MEF2C: variants seen among roughly 807,000 people sequenced by gnomAD.
The protein encoded by MEF2C is myocyte-specific enhancer factor 2C.
In MEF2C, 6 loss-of-function variants were observed where a neutral mutation model predicts 50.5. The ratio of observed to expected loss-of-function variants is 0.12; its 90% CI spans 0.07 to 0.23. The LOEUF is 0.23. Ranked by LOEUF, MEF2C falls within the 10% of genes least tolerant of loss-of-function variation. The pLI is 1.00. For missense variants in MEF2C, 276 were observed against 605.0 expected (o/e 0.46, Z 5.70); for synonymous variants, 183 against 228.0 (o/e 0.80, Z 1.78).
rs398123686 is a variant in MEF2C at position 88,751,861 on chromosome 5, G to A, written c.585C>T (p.Asn195=). 1.9e-5 allele frequency: 31 copies of A among 1,613,698 alleles called. No individual in the cohort carries two copies. In the Admixed American group the frequency reaches 3.7e-4, roughly 19 times the overall value. ...TACATCCTTATGAGGACATACCTGT[G>A]TTACCTGCACTTGGAGGTCGATGTG... The part of the protein sequence containing the change: ...GVTHRPPSAG[N]TGGLMGGDLT... The change falls in exon 5 of 11, where the codon AAC becomes AAT. Residue 195 remains asparagine, a synonymous_variant. Transcript: ENST00000504921.
chr5:88,751,744 G>T, intron 5 of MEF2C, 113 bp downstream of exon 5: 1 of 1,250,058 alleles, frequency 8.0e-7, no homozygotes. Flanking sequence ...GGTAAGCCAT[G>T]AAGGAGAGTA....
In MEF2C at chr5:88,759,451, C is replaced by T. The variant is rs570970078; in HGVS notation, c.402+1734G>A. ...GAGTGGAGATCGTGCCATTGCACTC[C>T]AGCCTGGGCAACAAGAGTGAAACTC... On this transcript the variant is annotated intron_variant, in intron 4 of 10. Coordinates refer to ENST00000504921, the MANE Select transcript of MEF2C (RefSeq NM_002397.5). 2.0e-5 allele frequency among the ~76,000 whole-genome samples: 3 copies of T among 152,096 alleles called. No homozygotes were observed. The South Asian group carries it at 6.2e-4, about 32-fold the overall frequency.
At chr5:88,748,932 TA>T in intron 6 of MEF2C, 137 bp downstream of exon 6, 2 of 1,514,630 alleles carry the variant, frequency 1.3e-6, no homozygotes, top group Non-Finnish European at 1.8e-6. Context: ...AAAAGTGCTT[TA>T]AAAATTCTTG....
rs1359040301 is a variant in MEF2C at position 88,750,928 on chromosome 5, A to G, written c.589+929T>C. On this transcript the variant is annotated intron_variant, in intron 5 of 10. Transcript: ENST00000504921. The stretch of plus-strand genomic sequence containing the variant: ...ATGTAGGATACATTAAAAATTTCCT[A>G]TAGAGTACTTTTAAAAATATGAAAT... 1.5e-5 allele frequency: 4 copies of G among 266,988 alleles called. No homozygotes were observed. In the East Asian group the frequency reaches 7.1e-4, roughly 47 times the overall value. 16.5% of individuals were successfully genotyped at this position (266,988 alleles called of 1,614,324 possible). A position where few individuals can be genotyped will look rare whatever the true frequency, so the allele number is the denominator to read the frequency against.
chr5:88,734,577 T>TTTTTTTG (rs1763240056), intron 6 of MEF2C: 14 of 921,928 alleles, frequency 1.5e-5, no homozygotes, highest in Non-Finnish European at 1.7e-5. Context: ...TTTTTTTTTT[T>TTTTTTTG]TTTTTTTTTT....
intron 2 of MEF2C, among the ~76,000 whole-genome samples, chr5:88,817,237 C>T (rs1805886264): frequency 6.6e-6 from 1 of 152,072 alleles, no homozygotes; most frequent in South Asian, 2.1e-4. Flanking sequence ...AAATTTAGAA[C>T]TGTAATTAAC....
At chr5:88,868,456 T>C (rs1431699302) in intron 1 of MEF2C, among the ~76,000 whole-genome samples, 2 of 152,186 alleles carry the variant, frequency 1.3e-5, no homozygotes, top group Non-Finnish European at 2.9e-5. Flanking sequence ...TAACTAAGTT[T>C]GCCTCTGGAG....
At chr5:88,735,555 ATT>A in intron 6 of MEF2C, 13 of 972,826 alleles carry the variant, frequency 1.3e-5, no homozygotes, top group Non-Finnish European at 1.3e-5. Flanking sequence ...GATTAAAAAT[ATT>A]GTTTTACATA....
At chr5:88,769,960 T>C in intron 3 of MEF2C, 8 of 985,262 alleles carry the variant, frequency 8.1e-6, no homozygotes, top group Non-Finnish European at 9.6e-6. Context: ...CTAATAATCT[T>C]TATAATGCAA....
intron 1 of MEF2C, among the ~76,000 whole-genome samples, chr5:88,832,645 T>C (rs1813518861): frequency 1.3e-5 from 2 of 152,096 alleles, no homozygotes; most frequent in African/African-American, 4.8e-5. Flanking sequence ...CTAATACCTG[T>C]ATGAAGATTT....
At chr5:88,846,187 G>C (rs1198813949) in intron 1 of MEF2C, among the ~76,000 whole-genome samples, 1 of 151,242 alleles carries the variant, frequency 6.6e-6, no homozygotes, top group Non-Finnish European at 1.5e-5. Context: ...CCTTGCCTTA[G>C]CCTCCTGGTA....
At chr5:88,756,204 T>C (rs1775211824) in intron 4 of MEF2C, among the ~76,000 whole-genome samples, 1 of 152,200 alleles carries the variant, frequency 6.6e-6, no homozygotes, top group African/African-American at 2.4e-5. Context: ...GTTTGTTACA[T>C]GGATATATTG....
At chr5:88,735,594 G>A (rs765544295) in intron 6 of MEF2C, 69 of 975,218 alleles carry the variant, frequency 7.1e-5, no homozygotes, top group Non-Finnish European at 8.3e-5. Context: ...GCATATATGA[G>A]TTAACTTACA....
At chr5:88,790,079 A>G (rs1270315816) in intron 3 of MEF2C, among the ~76,000 whole-genome samples, 1 of 152,226 alleles carries the variant, frequency 6.6e-6, no homozygotes, top group African/African-American at 2.4e-5. Context: ...CAGCCAGTAC[A>G]AAGTGATGGG....
At chr5:88,884,686 A>G (rs1436574792), upstream of MEF2C, 1 of 151,452 alleles carries the variant, frequency 6.6e-6, no homozygotes, top group Non-Finnish European at 1.5e-5. Context: ...CCTAGCCGAT[A>G]GCTGATGACT....
chr5:88,783,199 CGTT>C (rs1396997031), intron 3 of MEF2C, among the ~76,000 whole-genome samples: 1 of 152,102 alleles, frequency 6.6e-6, no homozygotes, highest in African/African-American at 2.4e-5. Context: ...TCATGGTCGT[CGTT>C]ATCATTATTG....
chr5:88,828,682 T>C (rs1811887804), intron 1 of MEF2C, among the ~76,000 whole-genome samples: 1 of 152,042 alleles, frequency 6.6e-6, no homozygotes, highest in Admixed American at 6.6e-5. Flanking sequence ...ATGTTACATC[T>C]AGTTACATTT....
chr5:88,839,608 T>C (rs1318577946), intron 1 of MEF2C: 1 of 152,130 alleles, frequency 6.6e-6, no homozygotes, highest in African/African-American at 2.4e-5. Flanking sequence ...TGTTTGTGGG[T>C]CCAGTAATAA....
At chr5:88,734,525 C>T (rs947791124) in intron 6 of MEF2C, 53 of 968,342 alleles carry the variant, frequency 5.5e-5, no homozygotes, top group Non-Finnish European at 5.9e-5. Context: ...GGCCAGTGTG[C>T]GAAAATGGAA....
Sources: allele counts gnomAD v4.1 joint callset (sites outside exome capture counted in the v4.1 genomes callset), GRCh38; gene constraint gnomAD v4.1.1; transcripts MANE v1.5; gene names NCBI Gene and HGNC (gene_info 2026-07-23, HGNC 2026-07-21).